Variants in NIBAN1 observed in about 807,000 individuals in gnomAD.
NIBAN1 encodes the protein niban apoptosis regulator 1.
In NIBAN1, 81 loss-of-function variants were observed where a neutral mutation model predicts 75.1. That is an observed-to-expected ratio of 1.08 (90% CI 0.90 to 1.30). NIBAN1 has a LOEUF of 1.30. Among genes scored for constraint, NIBAN1 ranks in the 50% most tolerant of loss-of-function variants. The pLI is 0.00. For synonymous variants in NIBAN1, 436 were observed against 424.8 expected, an observed-to-expected ratio of 1.03 and a Z score of -0.32; for missense variants, 1,133 against 1,128.1, an observed-to-expected ratio of 1.00 and a Z score of -0.06.
chr1:184,899,384 T>A (rs1309474799), intron 1 of NIBAN1, 75 bp from the exon 2 acceptor site: 2 of 1,467,200 alleles, frequency 1.4e-6, no homozygotes, highest in Non-Finnish European at 1.9e-6. Context: ...CCAAAAACCA[T>A]CCCTCCAGTC....
At chr1:184,885,104 A>G (rs952204121) in intron 4 of NIBAN1, among the ~76,000 whole-genome samples, 2 of 152,178 alleles carry the variant, frequency 1.3e-5, no homozygotes, top group Non-Finnish European at 2.9e-5. Flanking sequence ...GCTGGAGTAC[A>G]GTGGCACAAT....
At chr1:184,955,841 A>G (rs1658475276) in intron 1 of NIBAN1, among the ~76,000 whole-genome samples, 1 of 152,186 alleles carries the variant, frequency 6.6e-6, no homozygotes, top group Non-Finnish European at 1.5e-5. Flanking sequence ...TGTCATGTAG[A>G]GATGAGAAGG....
At chr1:184,852,214 C>A (rs920109759) in intron 5 of NIBAN1, among the ~76,000 whole-genome samples, 1 of 152,214 alleles carries the variant, frequency 6.6e-6, no homozygotes, top group Non-Finnish European at 1.5e-5. Context: ...ATCTCCACTG[C>A]CTCCTTCAAA....
intron 5 of NIBAN1, among the ~76,000 whole-genome samples, chr1:184,852,308 A>G (rs1040075954): frequency 1.3e-5 from 2 of 152,192 alleles, no homozygotes; most frequent in Non-Finnish European, 2.9e-5. Flanking sequence ...TGAAAGTAAT[A>G]TTACTATCCC....
intron 2 of NIBAN1, among the ~76,000 whole-genome samples, chr1:184,897,603 A>G (rs1415434252): frequency 6.6e-6 from 1 of 152,140 alleles, no homozygotes; most frequent in African/African-American, 2.4e-5. Context: ...TCCAGGCTCA[A>G]TCACTCTGCT....
intron 1 of NIBAN1, among the ~76,000 whole-genome samples, chr1:184,949,723 T>C (rs1458404089): frequency 1.3e-5 from 2 of 152,172 alleles, no homozygotes; most frequent in Non-Finnish European, 2.9e-5. Flanking sequence ...ATTAGTCCTG[T>C]GAAAAAGTTT....
intron 5 of NIBAN1, among the ~76,000 whole-genome samples, chr1:184,843,214 TC>T (rs1230826240): frequency 6.6e-6 from 1 of 152,222 alleles, no homozygotes; most frequent in Non-Finnish European, 1.5e-5. Context: ...TCGGAAGCAG[TC>T]ATCATTGTCT....
chr1:184,919,520 G>A (rs234680), intron 1 of NIBAN1, among the ~76,000 whole-genome samples: 25,275 of 152,062 alleles, frequency 0.17, 4,458 homozygotes, highest in African/African-American at 0.45. Flanking sequence ...ACGTTTAAAC[G>A]GTCTTAATAT....
chr1:184,920,588 C>T (rs937608766), intron 1 of NIBAN1, among the ~76,000 whole-genome samples: 1 of 152,142 alleles, frequency 6.6e-6, no homozygotes, highest in Non-Finnish European at 1.5e-5. Flanking sequence ...CTCTACTCTC[C>T]ACTTCTATGA....
At chr1:184,903,733 C>CTTTTTTTT (rs368105582) in intron 1 of NIBAN1, among the ~76,000 whole-genome samples, 14 of 99,918 alleles carry the variant, frequency 1.4e-4, no homozygotes, top group Admixed American at 3.6e-4. Flanking sequence ...CCGATTAAAC[C>CTTTTTTTT]TTTTTTTTTT....
intron 1 of NIBAN1, among the ~76,000 whole-genome samples, chr1:184,942,354 C>T (rs1658110978): frequency 6.6e-6 from 1 of 152,218 alleles, no homozygotes; most frequent in African/African-American, 2.4e-5. Flanking sequence ...AATACAAAAA[C>T]AGCTTTGGAC....
intron 1 of NIBAN1, among the ~76,000 whole-genome samples, chr1:184,971,829 T>C (rs1658944500): frequency 6.6e-6 from 1 of 152,224 alleles, no homozygotes; most frequent in South Asian, 2.1e-4. Context: ...CCTAAAAATT[T>C]ATTCTGTTGT....
rs369740091 is a variant in NIBAN1 at position 184,808,210 on chromosome 1, G to A, written c.1199C>T (p.Pro400Leu). ...KEHLDRLMNL[P>L]LHSVKMEPCY... ...AGGTTCCATCTTCACGGAATGCAGCGGAAGATTCATAAGCCGGTCTAGATG... is the reference window on the plus strand; with the variant it reads ...AGGTTCCATCTTCACGGAATGCAGCAGAAGATTCATAAGCCGGTCTAGATG... Residue 400 changes from proline (P) to leucine (L), a missense_variant, in exon 10 of 14, where the codon CCG becomes CTG. By Grantham distance (98) the Pro-to-Leu change is moderately conservative. Coordinates refer to ENST00000367511, the MANE Select transcript of NIBAN1 (RefSeq NM_052966.4). 77 of 1,614,044 alleles carry A rather than the reference G, an allele frequency of 4.8e-5. No individual in the cohort carries two copies. The African/African-American group carries it at 8.3e-4, about 17-fold the overall frequency.
intron 6 of NIBAN1, among the ~76,000 whole-genome samples, chr1:184,830,829 C>G (rs867304906): frequency 1.7e-4 from 26 of 151,924 alleles, no homozygotes; most frequent in African/African-American, 5.8e-4. Flanking sequence ...GGTGAAACCC[C>G]ATCTCTACTA....
At chr1:184,904,045 C>T (rs1657024265) in intron 1 of NIBAN1, among the ~76,000 whole-genome samples, 1 of 152,128 alleles carries the variant, frequency 6.6e-6, no homozygotes, top group Admixed American at 6.6e-5. Context: ...TACAGGCATG[C>T]ACCACCACAC....
intron 1 of NIBAN1, among the ~76,000 whole-genome samples, chr1:184,942,928 T>C (rs552878939): frequency 1.3e-5 from 2 of 152,304 alleles, no homozygotes; most frequent in Non-Finnish European, 2.9e-5. Flanking sequence ...TCCTCAATTA[T>C]TCTTTCCAAG....
At chr1:184,894,492 C>A (rs184916811) in intron 2 of NIBAN1, among the ~76,000 whole-genome samples, 1 of 152,252 alleles carries the variant, frequency 6.6e-6, no homozygotes, top group East Asian at 1.9e-4. Flanking sequence ...GGTTATTATG[C>A]CTTGCATGCA....
intron 1 of NIBAN1, among the ~76,000 whole-genome samples, chr1:184,941,220 C>A (rs1461046885): frequency 6.6e-6 from 1 of 152,170 alleles, no homozygotes; most frequent in Non-Finnish European, 1.5e-5. Context: ...AACTCTAAGT[C>A]TTATTCTAAA....
At chr1:184,947,798 C>CA (rs1467521395) in intron 1 of NIBAN1, among the ~76,000 whole-genome samples, 6 of 152,184 alleles carry the variant, frequency 3.9e-5, no homozygotes, top group Non-Finnish European at 8.8e-5. Context: ...AATTCACTAA[C>CA]AAAATAACTG....
Sources: allele counts gnomAD v4.1 joint callset (sites outside exome capture counted in the v4.1 genomes callset), GRCh38; gene constraint gnomAD v4.1.1; transcripts MANE v1.5; gene names NCBI Gene and HGNC (gene_info 2026-07-23, HGNC 2026-07-21).